Variants in QKI observed in about 807,000 individuals in gnomAD.
QKI encodes QKI, KH domain containing RNA binding.
Under a neutral mutation model 39.0 loss-of-function variants are expected in QKI, and 10 were observed. The ratio of observed to expected loss-of-function variants is 0.26; its 90% confidence interval spans 0.16 to 0.43. The LOEUF (loss-of-function observed/expected upper bound fraction) is 0.43, where lower values mean the gene tolerates loss of function less well. QKI is among the 20% of genes least tolerant of loss of function. QKI has a pLI of 1.00. For missense variants in QKI, 218 were observed against 428.0 expected, an observed-to-expected ratio of 0.51 and a Z score of 4.33; for synonymous variants, 204 against 155.4, an observed-to-expected ratio of 1.31 and a Z score of -2.33.
chr6:163,483,511 A>G (rs974712395), intron 3 of QKI, among the ~76,000 whole-genome samples: 4 of 152,178 alleles, frequency 2.6e-5, no homozygotes, highest in Admixed American at 2.0e-4. Context: ...TGTCATTTCA[A>G]CAGTGTTCAC....
intron 4 of QKI, among the ~76,000 whole-genome samples, chr6:163,539,434 ATCCT>A (rs1277148667): frequency 4.6e-5 from 7 of 152,164 alleles, no homozygotes; most frequent in Admixed American, 4.6e-4. Flanking sequence ...TTTATAAATA[ATCCT>A]TCCTGTACTT....
intron 1 of QKI, among the ~76,000 whole-genome samples, chr6:163,421,240 C>G (rs1787969053): frequency 6.6e-6 from 1 of 152,152 alleles, no homozygotes; most frequent in African/African-American, 2.4e-5. Flanking sequence ...TACTTGCTGC[C>G]AAGGTGCTTA....
intron 3 of QKI, among the ~76,000 whole-genome samples, chr6:163,490,668 A>G (rs192132944): frequency 6.6e-6 from 1 of 152,294 alleles, no homozygotes; most frequent in African/African-American, 2.4e-5. Flanking sequence ...CATGAACCTT[A>G]TATCCAAATT....
At chr6:163,463,472 G>A (rs1299222360) in intron 2 of QKI, among the ~76,000 whole-genome samples, 5 of 152,302 alleles carry the variant, frequency 3.3e-5, no homozygotes, top group East Asian at 1.9e-4. Flanking sequence ...GTTGAATAAC[G>A]TAGTCCTTGC....
chr6:163,541,380 T>C (rs933874540), intron 4 of QKI, among the ~76,000 whole-genome samples: 34 of 152,204 alleles, frequency 2.2e-4, no homozygotes, highest in African/African-American at 7.9e-4. Context: ...TGGTCTGTTT[T>C]GATGAATGTT....
At chr6:163,552,021 C>A (rs906952836) in intron 4 of QKI, among the ~76,000 whole-genome samples, 1 of 152,066 alleles carries the variant, frequency 6.6e-6, no homozygotes, top group Non-Finnish European at 1.5e-5. Flanking sequence ...TAATAACCTG[C>A]TGTTGACAGG....
At chr6:163,569,358 T>TAGA in intron 7 of QKI, 1 of 1,224,366 alleles carries the variant, frequency 8.2e-7, no homozygotes, top group Non-Finnish European at 1.0e-6. Flanking sequence ...ACATTACACC[T>TAGA]TCTGGGCTTT....
intron 3 of QKI, among the ~76,000 whole-genome samples, chr6:163,505,092 G>C (rs911582456): frequency 6.6e-6 from 1 of 152,176 alleles, no homozygotes; most frequent in Admixed American, 6.5e-5. Context: ...CAAGCCCCAA[G>C]CCTTGGGAGC....
At chr6:163,496,263 G>T (rs1214352574) in intron 3 of QKI, among the ~76,000 whole-genome samples, 1 of 152,130 alleles carries the variant, frequency 6.6e-6, no homozygotes, top group Non-Finnish European at 1.5e-5. Flanking sequence ...TGATGTTATT[G>T]TTAAGGGCTT....
chr6:163,433,839 T>C (rs1789032193), intron 1 of QKI, among the ~76,000 whole-genome samples: 2 of 152,286 alleles, frequency 1.3e-5, no homozygotes, highest in South Asian at 4.1e-4. Flanking sequence ...AGGTTAAATA[T>C]TTTGTTATGA....
chr6:163,567,385 G>C (rs1260556203), intron 7 of QKI: 3 of 985,426 alleles, frequency 3.0e-6, no homozygotes, highest in Non-Finnish European at 3.6e-6. Flanking sequence ...ATATAAATTA[G>C]AGCGTCAATT....
intron 3 of QKI, among the ~76,000 whole-genome samples, chr6:163,503,274 G>A (rs1295043108): frequency 6.6e-5 from 10 of 151,240 alleles, no homozygotes; most frequent in African/African-American, 2.2e-4. Context: ...GAGCCACTGC[G>A]CCCAGCTGCT....
At chr6:163,435,318 T>C (rs1054909824) in intron 1 of QKI, among the ~76,000 whole-genome samples, 1 of 152,202 alleles carries the variant, frequency 6.6e-6, no homozygotes, top group Admixed American at 6.5e-5. Flanking sequence ...GTTTTCCTTA[T>C]AGTTCTTGTG....
intron 2 of QKI, among the ~76,000 whole-genome samples, chr6:163,461,987 A>G (rs1791390541): frequency 6.6e-6 from 1 of 152,204 alleles, no homozygotes; most frequent in African/African-American, 2.4e-5. Flanking sequence ...GTTTGGGCGG[A>G]AAAGTACCTT....
intron 1 of QKI, among the ~76,000 whole-genome samples, chr6:163,424,943 T>C (rs1014189439): frequency 6.6e-6 from 1 of 152,220 alleles, no homozygotes; most frequent in African/African-American, 2.4e-5. Flanking sequence ...CGTCATCTGC[T>C]TTCTATCAAC....
At chr6:163,512,660 AAAAG>A (rs1287179413) in intron 3 of QKI, among the ~76,000 whole-genome samples, 1 of 152,130 alleles carries the variant, frequency 6.6e-6, no homozygotes, top group African/African-American at 2.4e-5. Context: ...CTAATTATCA[AAAAG>A]AACATTGCAT....
intron 1 of QKI, among the ~76,000 whole-genome samples, chr6:163,446,869 T>C (rs1193484396): frequency 6.6e-6 from 1 of 152,210 alleles, no homozygotes; most frequent in Non-Finnish European, 1.5e-5. Context: ...AGTATCCGTT[T>C]ATTCATTCAG....
intron 6 of QKI, chr6:163,565,889 A>AT: frequency 1.2e-6 from 2 of 1,609,944 alleles, no homozygotes; most frequent in Non-Finnish European, 1.7e-6. Context: ...GGAGATTGGT[A>AT]TTAGCATCAA....
At chr6:163,552,336 G>A (rs1251772204) in intron 4 of QKI, among the ~76,000 whole-genome samples, 1 of 148,628 alleles carries the variant, frequency 6.7e-6, no homozygotes, top group African/African-American at 2.5e-5. Context: ...AGCCTCCCAA[G>A]TAGCTGGGAC....
Sources: allele counts gnomAD v4.1 joint callset (sites outside exome capture counted in the v4.1 genomes callset), GRCh38; gene constraint gnomAD v4.1.1; transcripts MANE v1.5; gene names NCBI Gene and HGNC (gene_info 2026-07-23, HGNC 2026-07-21).